The following RPS6KC1 variants were observed in gnomAD, a reference collection of about 807,000 sequenced individuals.
The protein encoded by RPS6KC1 is inactive ribosomal protein S6 kinase delta-1.
RPS6KC1 carries 54 observed loss-of-function variants against 103.8 expected under a neutral mutation model. The observed-to-expected ratio is 0.52, with a 90% CI of 0.42 to 0.65. RPS6KC1 has a LOEUF of 0.65. RPS6KC1 is among the 30% of genes least tolerant of loss of function. RPS6KC1 has a pLI of 0.00. For synonymous variants in RPS6KC1, 439 were observed against 438.7 expected, an observed-to-expected ratio of 1.00 and a Z score of -0.01; for missense variants, 1,151 against 1,253.8, an observed-to-expected ratio of 0.92 and a Z score of 1.24.
chr1:213,574,124 T>C, the RPS6KC1 span, among the ~76,000 whole-genome samples: 1 of 152,236 alleles, frequency 6.6e-6, no homozygotes, highest in Non-Finnish European at 1.5e-5. Context: ...CAAGTTAGTA[T>C]GTCATGAAAC....
the RPS6KC1 span, among the ~76,000 whole-genome samples, chr1:213,363,719 T>TC: frequency 7.0e-5 from 9 of 128,142 alleles, 1 homozygote; most frequent in Non-Finnish European, 8.2e-5. Flanking sequence ...TCTTTCTTTC[T>TC]TTCTTTCGTT....
intron 6 of RPS6KC1, among the ~76,000 whole-genome samples, chr1:213,132,996 A>G (rs989368605): frequency 6.6e-6 from 1 of 152,216 alleles, no homozygotes; most frequent in Non-Finnish European, 1.5e-5. Flanking sequence ...GCAAAACACA[A>G]TAGCAACAGC....
chr1:213,137,775 CTCTATA>C lies in RPS6KC1; in HGVS notation c.835+7888_835+7893del, dbSNP rs1166667870. ...TTGCTCTCTCTCTCTCTCTCTCTCT[CTCTATA>C]TATATATATATATATATATTTTTTT... On this transcript the variant is annotated intron_variant, in intron 6 of 14. Coordinates refer to ENST00000366960, the MANE Select transcript of RPS6KC1 (RefSeq NM_012424.6). Among the ~76,000 whole-genome samples the C allele has an allele frequency of 2.2e-4, 7 of 32,254 alleles. No homozygotes were observed. The South Asian group carries it at 5.3e-3, about 25-fold the overall frequency. The allele number at this position is 32,254 out of a possible 152,430, so 21.2% of individuals were successfully genotyped here. A position where few individuals can be genotyped will look rare whatever the true frequency, so the allele number is the denominator to read the frequency against.
the RPS6KC1 span, among the ~76,000 whole-genome samples, chr1:213,542,432 A>G: frequency 6.6e-6 from 1 of 152,200 alleles, no homozygotes; most frequent in African/African-American, 2.4e-5. Flanking sequence ...GGGACAGGCC[A>G]TTGCAGTGAG....
chr1:213,160,972 A>G (rs746922488), intron 6 of RPS6KC1, among the ~76,000 whole-genome samples: 1 of 151,808 alleles, frequency 6.6e-6, no homozygotes, highest in African/African-American at 2.4e-5. Context: ...CATTGTGCAC[A>G]TGTACCCTAG....
At chr1:213,309,936 T>C in the RPS6KC1 span, among the ~76,000 whole-genome samples, 149,165 of 152,232 alleles carry the variant, frequency 0.98, 73,155 homozygotes, top group East Asian at 1. Flanking sequence ...CCACCTGCCT[T>C]AACCTCCCAA....
At chr1:213,413,897 G>A in the RPS6KC1 span, among the ~76,000 whole-genome samples, 1 of 152,176 alleles carries the variant, frequency 6.6e-6, no homozygotes, top group Non-Finnish European at 1.5e-5. Context: ...CAGGATCAGG[G>A]CATAGCTCAG....
intron 6 of RPS6KC1, among the ~76,000 whole-genome samples, chr1:213,154,925 A>T (rs954570219): frequency 1.3e-5 from 2 of 152,202 alleles, no homozygotes. Flanking sequence ...TACCTGGGTA[A>T]TGTTGCTGAT....
chr1:213,392,886 C>T, the RPS6KC1 span, among the ~76,000 whole-genome samples: 4 of 152,050 alleles, frequency 2.6e-5, no homozygotes, highest in Admixed American at 6.6e-5. Context: ...AGTTTCTGTA[C>T]CTAAAGTGCG....
At chr1:213,196,994 G>A (rs1176210449) in intron 8 of RPS6KC1, among the ~76,000 whole-genome samples, 2 of 152,086 alleles carry the variant, frequency 1.3e-5, no homozygotes, top group African/African-American at 4.8e-5. Context: ...GTGCCACCAT[G>A]CCTGGCTGGT....
intron 3 of RPS6KC1, among the ~76,000 whole-genome samples, chr1:213,078,334 T>A (rs928754410): frequency 3.3e-5 from 5 of 152,002 alleles, no homozygotes; most frequent in African/African-American, 1.2e-4. Flanking sequence ...CTGTCCCCTG[T>A]CTGGATTTTG....
the RPS6KC1 span, among the ~76,000 whole-genome samples, chr1:213,417,894 A>C: frequency 3.3e-5 from 5 of 152,198 alleles, no homozygotes; most frequent in Non-Finnish European, 5.9e-5. Context: ...TCCATGAGGC[A>C]GGTGATACCG....
the RPS6KC1 span, among the ~76,000 whole-genome samples, chr1:213,691,793 C>G: frequency 1.3e-5 from 2 of 152,078 alleles, no homozygotes; most frequent in African/African-American, 4.8e-5. Flanking sequence ...GTTCCTCCAT[C>G]AGGAAGTAAG....
At chr1:213,651,363 C>T in the RPS6KC1 span, among the ~76,000 whole-genome samples, 4 of 152,234 alleles carry the variant, frequency 2.6e-5, no homozygotes, top group East Asian at 1.9e-4. Context: ...TGGAGAGCCA[C>T]GGTGAATACA....
the RPS6KC1 span, among the ~76,000 whole-genome samples, chr1:213,374,977 T>G: frequency 1.3e-5 from 2 of 151,852 alleles, no homozygotes; most frequent in African/African-American, 4.8e-5. Flanking sequence ...CAACAACTAT[T>G]ACTACACACA....
At chr1:213,399,683 C>T in the RPS6KC1 span, among the ~76,000 whole-genome samples, 2 of 152,118 alleles carry the variant, frequency 1.3e-5, no homozygotes, top group Non-Finnish European at 1.5e-5. Context: ...GACCATCCTG[C>T]TCTTTCAGTC....
chr1:213,154,116 T>G (rs566051375), intron 6 of RPS6KC1, among the ~76,000 whole-genome samples: 11 of 150,086 alleles, frequency 7.3e-5, no homozygotes, highest in South Asian at 2.1e-4. Context: ...ACATATAAAA[T>G]CTCTCTCTCT....
chr1:213,859,248 A>C, the RPS6KC1 span, among the ~76,000 whole-genome samples: 1 of 152,348 alleles, frequency 6.6e-6, no homozygotes, highest in East Asian at 1.9e-4. Context: ...CTTGCAATGT[A>C]TTGTGATTTG....
the RPS6KC1 span, among the ~76,000 whole-genome samples, chr1:213,693,628 AC>A: frequency 4.6e-5 from 7 of 152,140 alleles, no homozygotes; most frequent in Non-Finnish European, 8.8e-5. Flanking sequence ...TGAGGAAGGG[AC>A]CCATTAGTGT....
Sources: allele counts gnomAD v4.1 joint callset (sites outside exome capture counted in the v4.1 genomes callset), GRCh38; gene constraint gnomAD v4.1.1; transcripts MANE v1.5; gene names NCBI Gene and HGNC (gene_info 2026-07-23, HGNC 2026-07-21).